The following SWT1 variants were observed in gnomAD, a reference collection of about 807,000 sequenced individuals.
SWT1 encodes the protein transcriptional protein SWT1.
Under a neutral mutation model 107.3 loss-of-function variants are expected in SWT1, and 33 were observed. That is an observed-to-expected ratio of 0.31 (90% CI 0.23 to 0.41). SWT1 has a LOEUF of 0.41. Ranked by LOEUF, SWT1 falls within the 10% of genes least tolerant of loss-of-function variation. The pLI is 1.00. For synonymous variants in SWT1, 345 were observed against 348.3 expected (o/e 0.99, Z 0.11); for missense variants, 898 against 1,028.9 (o/e 0.87, Z 1.74).
intron 12 of SWT1, among the ~76,000 whole-genome samples, chr1:185,205,099 CTG>C (rs1456258508): frequency 6.6e-6 from 1 of 151,794 alleles, no homozygotes; most frequent in Non-Finnish European, 1.5e-5. Context: ...TTTGCATCTG[CTG>C]TGTGTCAGAT....
At chr1:185,167,860 AG>A (rs1432654675) in intron 3 of SWT1, among the ~76,000 whole-genome samples, 1 of 151,834 alleles carries the variant, frequency 6.6e-6, no homozygotes, top group Non-Finnish European at 1.5e-5. Flanking sequence ...TTTCCTCTTT[AG>A]GTGGTTGGTA....
At chr1:185,184,416 C>A in intron 8 of SWT1, 72 bp downstream of exon 8, 1 of 843,696 alleles carries the variant, frequency 1.2e-6, no homozygotes, top group Non-Finnish European at 1.9e-6. Context: ...CAATGATGGG[C>A]TTTTTTTGCC....
At chr1:185,158,221 T>G (rs1653803255) in intron 1 of SWT1, among the ~76,000 whole-genome samples, 1 of 152,164 alleles carries the variant, frequency 6.6e-6, no homozygotes, top group Non-Finnish European at 1.5e-5. Context: ...AAGCACTAAC[T>G]GGAAATTAAC....
intron 15 of SWT1, among the ~76,000 whole-genome samples, chr1:185,229,368 A>G (rs764624381): frequency 1.3e-5 from 2 of 152,150 alleles, no homozygotes; most frequent in Non-Finnish European, 2.9e-5. Flanking sequence ...GTACCTGGCA[A>G]TCCTATGACT....
chr1:185,290,271 C>T (rs1665174139), intron 18 of SWT1, among the ~76,000 whole-genome samples: 1 of 151,896 alleles, frequency 6.6e-6, no homozygotes, highest in Non-Finnish European at 1.5e-5. Context: ...GAGTGAGACC[C>T]TGTCTTTTAA....
chr1:185,223,058 G>A (rs180822276), intron 15 of SWT1, among the ~76,000 whole-genome samples: 9 of 152,278 alleles, frequency 5.9e-5, no homozygotes, highest in Middle Eastern at 3.4e-3. Context: ...TCCTTTGGAT[G>A]TATACCCAGT....
chr1:185,170,933 C>T (rs1654999727), intron 4 of SWT1, among the ~76,000 whole-genome samples: 1 of 152,180 alleles, frequency 6.6e-6, no homozygotes, highest in Non-Finnish European at 1.5e-5. Flanking sequence ...AGGCAGACGT[C>T]ACCTGTTTTC....
intron 18 of SWT1, among the ~76,000 whole-genome samples, chr1:185,288,046 G>A (rs1320538160): frequency 6.6e-6 from 1 of 152,130 alleles, no homozygotes; most frequent in African/African-American, 2.4e-5. Context: ...AGGAATAGGG[G>A]CCTACCCTTT....
chr1:185,226,727 T>A (rs1490513466), intron 15 of SWT1: 1 of 507,702 alleles, frequency 2.0e-6, no homozygotes, highest in Non-Finnish European at 3.1e-6. Flanking sequence ...TTTAAGCTTC[T>A]GAGACTTTTT....
Position 185,206,684 on chromosome 1 carries a change from T to C in SWT1, c.1893T>C (p.His631=), listed in dbSNP as rs1658360281. 1.9e-6 allele frequency: 3 copies of C among 1,609,366 alleles called. No homozygotes were observed. The highest frequency in any genetic ancestry group is 2.5e-6 in the Non-Finnish European group (3 of 1,177,022). ...LLHLLQCFKK[H]WLAVFGLVME... Reference sequence around the variant, plus strand: ...ATTTACTACAGTGCTTTAAAAAACATTGGTTGGCTGTATTTGGATTAGTTA... The same window carrying C: ...ATTTACTACAGTGCTTTAAAAAACACTGGTTGGCTGTATTTGGATTAGTTA... Residue 631 remains histidine, a synonymous_variant, in exon 13 of 19, where the codon CAT becomes CAC. Transcript: ENST00000367500.
intron 16 of SWT1, among the ~76,000 whole-genome samples, chr1:185,235,432 C>T (rs995703043): frequency 6.6e-6 from 1 of 152,084 alleles, no homozygotes; most frequent in African/African-American, 2.4e-5. Context: ...AAATGTAATC[C>T]AGCATATAAA....
chr1:185,166,678 A>G, intron 3 of SWT1, 26 bp downstream of exon 3: 1 of 1,378,456 alleles, frequency 7.3e-7, no homozygotes, highest in South Asian at 1.3e-5. Flanking sequence ...TAACTAACTA[A>G]AAGTTATTTA....
In SWT1 at chr1:185,174,927, G is replaced by A. The variant is rs376271491; in HGVS notation, c.780G>A (p.Ser260=). Reference sequence around the variant, plus strand: ...TCTTCAACATAGATTCTAATAATTCGAAGACTAAGCAGGAAGAAAGAGAAT... The same window carrying A: ...TCTTCAACATAGATTCTAATAATTCAAAGACTAAGCAGGAAGAAAGAGAAT... ...ENVFNIDSNN[S]KTKQEEREYL... The change falls in exon 5 of 19, where the codon TCG becomes TCA. Residue 260 remains serine (S), a synonymous_variant. Coordinates refer to ENST00000367500, the MANE Select transcript of SWT1 (RefSeq NM_017673.7). The A allele has an allele frequency of 2.4e-5, 38 of 1,613,740 alleles. No individual in the cohort carries two copies. The highest frequency in any genetic ancestry group is 1.0e-4 in the Admixed American group (6 of 59,958).
At chr1:185,257,694 G>A (rs1033683663) in intron 16 of SWT1, among the ~76,000 whole-genome samples, 1 of 152,242 alleles carries the variant, frequency 6.6e-6, no homozygotes, top group Non-Finnish European at 1.5e-5. Flanking sequence ...ACTCCCTAGT[G>A]AGATGAACCT....
At chr1:185,254,037 CAT>C (rs1662271544) in intron 16 of SWT1, among the ~76,000 whole-genome samples, 1 of 132,758 alleles carries the variant, frequency 7.5e-6, no homozygotes, top group Admixed American at 7.9e-5. Context: ...TTGAGATAAT[CAT>C]GTGGTTTTTG....
intron 18 of SWT1, among the ~76,000 whole-genome samples, chr1:185,282,446 G>T (rs747150114): frequency 6.6e-6 from 1 of 151,796 alleles, no homozygotes; most frequent in Admixed American, 6.6e-5. Flanking sequence ...TAGCTTCTTG[G>T]GGGGCGGCAC....
At chr1:185,160,491 A>G (rs1407601565) in intron 1 of SWT1, among the ~76,000 whole-genome samples, 1 of 152,152 alleles carries the variant, frequency 6.6e-6, no homozygotes, top group Non-Finnish European at 1.5e-5. Context: ...TAACAAGGTC[A>G]GGAGGTCGAG....
chr1:185,225,384 G>A (rs769501455), intron 15 of SWT1, among the ~76,000 whole-genome samples: 29 of 151,958 alleles, frequency 1.9e-4, no homozygotes, highest in Non-Finnish European at 4.1e-4. Flanking sequence ...TTTTCTTGCC[G>A]TGTCCTTGTC....
chr1:185,273,827 A>C (rs981801172), intron 17 of SWT1, among the ~76,000 whole-genome samples: 1 of 152,184 alleles, frequency 6.6e-6, no homozygotes, highest in Non-Finnish European at 1.5e-5. Context: ...CTGAATTTCA[A>C]ATCAAAACAT....
Sources: allele counts gnomAD v4.1 joint callset (sites outside exome capture counted in the v4.1 genomes callset), GRCh38; gene constraint gnomAD v4.1.1; transcripts MANE v1.5; gene names NCBI Gene and HGNC (gene_info 2026-07-23, HGNC 2026-07-21).